Variants in FAM151B observed in about 807,000 individuals in gnomAD.
The protein encoded by FAM151B is protein FAM151B.
FAM151B carries 24 observed loss-of-function variants against 31.2 expected under a neutral mutation model. The observed-to-expected ratio is 0.77, with a 90% CI of 0.56 to 1.08. The LOEUF (loss-of-function observed/expected upper bound fraction) is 1.08, where lower values mean the gene tolerates loss of function less well. FAM151B is among the 50% of genes least tolerant of loss of function. The pLI, the probability that FAM151B is intolerant of heterozygous loss-of-function variation, is 0.00. For missense variants in FAM151B, 293 were observed against 328.6 expected, an observed-to-expected ratio of 0.89 and a Z score of 0.84; for synonymous variants, 105 against 111.4, an observed-to-expected ratio of 0.94 and a Z score of 0.36.
intron 1 of FAM151B, among the ~76,000 whole-genome samples, chr5:80,493,547 C>T (rs540059816): frequency 1.3e-5 from 2 of 152,248 alleles, no homozygotes; most frequent in South Asian, 2.1e-4. Flanking sequence ...GGAGAGATAT[C>T]GCTGAATTCT....
intron 2 of FAM151B, among the ~76,000 whole-genome samples, chr5:80,505,011 G>A (rs1196942606): frequency 6.6e-6 from 1 of 152,190 alleles, no homozygotes; most frequent in African/African-American, 2.4e-5. Flanking sequence ...CCCCTGGCGA[G>A]ATAAGCCACA....
At chr5:80,493,983 G>A (rs1743409787) in intron 1 of FAM151B, among the ~76,000 whole-genome samples, 1 of 152,104 alleles carries the variant, frequency 6.6e-6, no homozygotes, top group Admixed American at 6.5e-5. Flanking sequence ...ACCAATATGT[G>A]ATGTCACCCC....
At chr5:80,539,335 C>T (rs1034652140) in intron 5 of FAM151B, among the ~76,000 whole-genome samples, 4 of 151,232 alleles carry the variant, frequency 2.6e-5, no homozygotes, top group Non-Finnish European at 5.9e-5. Flanking sequence ...TTAAGAATTA[C>T]ACCTTTACCA....
chr5:80,530,574 C>T (rs913824369), intron 5 of FAM151B, among the ~76,000 whole-genome samples: 12 of 152,162 alleles, frequency 7.9e-5, no homozygotes, highest in Non-Finnish European at 2.9e-5. Context: ...AAATCACAAG[C>T]GTTCCTATAC....
chr5:80,541,474 G>A (rs1745886833), intron 5 of FAM151B, among the ~76,000 whole-genome samples, 199 bp from the exon 6 acceptor site: 1 of 152,198 alleles, frequency 6.6e-6, no homozygotes, highest in African/African-American at 2.4e-5. Context: ...TTAGACAACA[G>A]CAGTATGAAT....
At chr5:80,535,973 G>A (rs1240500550) in intron 5 of FAM151B, among the ~76,000 whole-genome samples, 1 of 151,994 alleles carries the variant, frequency 6.6e-6, no homozygotes, top group Non-Finnish European at 1.5e-5. Flanking sequence ...TGGCAAACAG[G>A]CATATGAAAA....
At chr5:80,510,111 A>AG (rs1744125077) in intron 2 of FAM151B, among the ~76,000 whole-genome samples, 1 of 152,212 alleles carries the variant, frequency 6.6e-6, no homozygotes, top group African/African-American at 2.4e-5. Flanking sequence ...GTGTAATAGA[A>AG]TACCCAAAAA....
intron 5 of FAM151B, among the ~76,000 whole-genome samples, chr5:80,525,681 G>A (rs1180467567): frequency 6.6e-6 from 1 of 151,924 alleles, no homozygotes; most frequent in South Asian, 2.1e-4. Flanking sequence ...AGAAGCTGAC[G>A]TACACTATCA....
intron 2 of FAM151B, among the ~76,000 whole-genome samples, chr5:80,507,705 C>A (rs1483648632): frequency 2.0e-5 from 3 of 152,032 alleles, no homozygotes; most frequent in Non-Finnish European, 4.4e-5. Flanking sequence ...AAAAACAGAT[C>A]CATTTGGAGA....
chr5:80,494,221 G>C (rs1743419791), intron 1 of FAM151B, among the ~76,000 whole-genome samples: 1 of 152,196 alleles, frequency 6.6e-6, no homozygotes, highest in African/African-American at 2.4e-5. Flanking sequence ...ATTTTATGAA[G>C]ACTGTGAGAA....
intron 2 of FAM151B, among the ~76,000 whole-genome samples, chr5:80,503,726 A>G (rs1489230375): frequency 1.3e-5 from 2 of 152,292 alleles, no homozygotes; most frequent in South Asian, 2.1e-4. Context: ...CCCTTTTGCC[A>G]TCATAGCCTG....
intron 1 of FAM151B, among the ~76,000 whole-genome samples, chr5:80,499,502 G>A (rs1312578540): frequency 6.6e-6 from 1 of 152,004 alleles, no homozygotes; most frequent in African/African-American, 2.4e-5. Context: ...ATAGAATGGG[G>A]TTTCAGGTAG....
Position 80,541,778 on chromosome 5 carries a change from G to A in FAM151B, c.777G>A (p.Leu259=). 3.1e-6 allele frequency: 5 copies of A among 1,613,484 alleles called. No individual in the cohort carries two copies. The highest frequency in any genetic ancestry group is 1.1e-5 in the South Asian group (1 of 91,038). Residue 259 remains leucine, a synonymous_variant, in exon 6 of 6, where the codon TTG becomes TTA. Transcript: ENST00000282226. ...AAAAACAAGTTTTCTATGACATCTT[G>A]GAACCACAAAACCATGAATTTAAAC... The part of the protein sequence containing the change: ...FDKKQVFYDI[L]EPQNHEFKQA...
intron 5 of FAM151B, among the ~76,000 whole-genome samples, chr5:80,528,627 T>A (rs1745080388): frequency 6.6e-6 from 1 of 151,882 alleles, no homozygotes; most frequent in Admixed American, 6.6e-5. Context: ...TGTGGTGGCA[T>A]GTGCCTGTAA....
chr5:80,515,209 C>T (rs1389664329), intron 3 of FAM151B, among the ~76,000 whole-genome samples: 1 of 151,904 alleles, frequency 6.6e-6, no homozygotes, highest in Non-Finnish European at 1.5e-5. Flanking sequence ...CACGGCACTC[C>T]AGCCTCGGCA....
At chr5:80,488,487 G>T (rs1743196292) in intron 1 of FAM151B, among the ~76,000 whole-genome samples, 2 of 152,254 alleles carry the variant, frequency 1.3e-5, no homozygotes, top group African/African-American at 4.8e-5. Flanking sequence ...GGCGGTCTGG[G>T]TCAGTAGGTT....
intron 5 of FAM151B, among the ~76,000 whole-genome samples, chr5:80,538,404 CT>C (rs1211050121): frequency 2.1e-5 from 1 of 48,488 alleles, no homozygotes; most frequent in African/African-American, 1.1e-4. Flanking sequence ...TTCTTTCTTT[CT>C]TTCTTTCTTT....
chr5:80,525,191 G>T (rs1275570230), intron 5 of FAM151B, among the ~76,000 whole-genome samples: 1 of 152,158 alleles, frequency 6.6e-6, no homozygotes, highest in Admixed American at 6.5e-5. Flanking sequence ...AAAGGGAGTA[G>T]CTTCTAGAGA....
intron 1 of FAM151B, among the ~76,000 whole-genome samples, chr5:80,489,864 C>T (rs547987973): frequency 4.0e-5 from 6 of 151,706 alleles, no homozygotes; most frequent in South Asian, 4.2e-4. Flanking sequence ...GCGGAGCTTG[C>T]GGTGAGCCAA....
Sources: allele counts gnomAD v4.1 joint callset (sites outside exome capture counted in the v4.1 genomes callset), GRCh38; gene constraint gnomAD v4.1.1; transcripts MANE v1.5; gene names NCBI Gene and HGNC (gene_info 2026-07-23, HGNC 2026-07-21).